AZIN2: variants seen among roughly 807,000 people sequenced by gnomAD.
AZIN2 encodes antizyme inhibitor 2, also known as ODC antizyme inhibitor-2.
Under a neutral mutation model 47.8 loss-of-function variants are expected in AZIN2, and 28 were observed. That is an observed-to-expected ratio of 0.59 (90% CI 0.43 to 0.80). The LOEUF is 0.80. Among genes scored for constraint, AZIN2 ranks in the 30% least tolerant of loss-of-function variants. AZIN2 has a pLI of 0.00. For missense variants in AZIN2, 535 were observed against 582.5 expected (o/e 0.92, Z 0.84); for synonymous variants, 221 against 239.4 (o/e 0.92, Z 0.71).
At chr1:33,083,834 C>T (rs1557661853) in intron 4 of AZIN2, 120 bp from the exon 5 acceptor site, 1 of 1,238,484 alleles carries the variant, frequency 8.1e-7, no homozygotes, top group East Asian at 2.4e-5. Flanking sequence ...GAAAACTTAG[C>T]AGCAGGGTAG....
downstream of AZIN2, among the ~76,000 whole-genome samples, chr1:33,127,231 T>C (rs1644862838): frequency 6.6e-6 from 1 of 152,264 alleles, no homozygotes; most frequent in Non-Finnish European, 1.5e-5. Context: ...GGCGGAACCA[T>C]GACTGCTCAG....
At chr1:33,093,537 A>G in intron 7 of AZIN2, 121 bp downstream of exon 7, 1 of 1,284,386 alleles carries the variant, frequency 7.8e-7, no homozygotes, top group South Asian at 1.6e-5. Context: ...CTGGGCCTGG[A>G]ATTCTTCCAT....
intron 5 of AZIN2, 78 bp downstream of exon 5, chr1:33,084,205 C>G: frequency 6.4e-7 from 1 of 1,561,494 alleles, no homozygotes; most frequent in Non-Finnish European, 8.7e-7. Context: ...CAGGTGGGCT[C>G]TGGGGAGCAA....
chr1:33,112,162 C>A (rs921294822), intron 10 of AZIN2, among the ~76,000 whole-genome samples: 2 of 152,108 alleles, frequency 1.3e-5, no homozygotes, highest in Non-Finnish European at 2.9e-5. Context: ...GGTCCTTAGG[C>A]ACTGCTAGGT....
chr1:33,159,882 C>T, the AZIN2 span: 1 of 1,611,778 alleles, frequency 6.2e-7, no homozygotes, highest in Non-Finnish European at 8.5e-7. This position sits in a 1 kb window ranked among gnomAD's most constrained non-coding sequence, Gnocchi z 4.2. Context: ...GGCGTTCACG[C>T]AGCAGCCGGT....
downstream of AZIN2, among the ~76,000 whole-genome samples, chr1:33,127,952 G>A (rs1193167141): frequency 3.3e-5 from 5 of 152,062 alleles, no homozygotes; most frequent in African/African-American, 1.2e-4. Context: ...TTGGAATCCT[G>A]GTTCTGCCAG....
chr1:33,154,331 C>T, the AZIN2 span, among the ~76,000 whole-genome samples: 1 of 152,302 alleles, frequency 6.6e-6, no homozygotes, highest in East Asian at 1.9e-4. Context: ...GCCTTCTAGC[C>T]TCAGCTGCCA....
Position 33,093,207 on chromosome 1 carries a change from G to A in AZIN2, c.453-75G>A. 4.4e-6 allele frequency: 7 copies of A among 1,591,734 alleles called. No homozygotes were observed. In the South Asian group the frequency reaches 8.0e-5, roughly 18 times the overall value. On this transcript the variant is annotated intron_variant, in intron 6 of 11. Transcript: ENST00000294517. Reference sequence around the variant, plus strand: ...GTGGCTCTGAGCCATGTAGCTCACAGCCCTTGATTGAGAGATGTGGCTGGG... The same window carrying A: ...GTGGCTCTGAGCCATGTAGCTCACAACCCTTGATTGAGAGATGTGGCTGGG...
intron 5 of AZIN2, among the ~76,000 whole-genome samples, chr1:33,085,618 C>T (rs1198661786): frequency 6.6e-6 from 1 of 152,112 alleles, no homozygotes; most frequent in Non-Finnish European, 1.5e-5. Context: ...GGCAGGATGA[C>T]AGGGCTGGAG....
chr1:33,101,991 G>C (rs78742377), intron 10 of AZIN2: 19,348 of 691,866 alleles, frequency 0.028, 413 homozygotes, highest in Non-Finnish European at 0.036. Flanking sequence ...CTGCTGCTGT[G>C]AATTCTTGTT....
chr1:33,096,893 G>C, intron 9 of AZIN2, 24 bp downstream of exon 9: 1 of 1,613,960 alleles, frequency 6.2e-7, no homozygotes, highest in Non-Finnish European at 8.5e-7. Context: ...GGGCAGTGGA[G>C]CCCTGTTCTC....
intron 5 of AZIN2, among the ~76,000 whole-genome samples, chr1:33,085,100 A>C (rs1431862228): frequency 6.6e-6 from 1 of 152,186 alleles, no homozygotes; most frequent in East Asian, 1.9e-4. Context: ...AGTAGAGCTG[A>C]AAGTATCTCA....
chr1:33,094,421 C>T, intron 7 of AZIN2, 127 bp from the exon 8 acceptor site: 1 of 1,018,830 alleles, frequency 9.8e-7, no homozygotes, highest in Non-Finnish European at 1.5e-6. Flanking sequence ...ATTTCAGGAC[C>T]TTGGTCACTG....
At chr1:33,083,656 G>A in intron 4 of AZIN2, 1 of 451,038 alleles carries the variant, frequency 2.2e-6, no homozygotes, top group East Asian at 4.4e-5. Context: ...CAGGAGTGGG[G>A]AGGGTATTCT....
chr1:33,123,197 A>G lies in AZIN2; in HGVS notation c.*3015A>G, dbSNP rs1644826557. On this transcript the variant is annotated 3_prime_UTR_variant, in exon 12 of 12. Transcript: ENST00000294517. ...TGAAGCCTTCTGGATCACCCTTTAG[A>G]AAATAGCATGTCCTAGTCTCTCTCT... Among the ~76,000 whole-genome samples the G allele has an allele frequency of 6.6e-6, 1 of 152,210 alleles. No individual in the cohort carries two copies. Among genetic ancestry groups the G allele is most frequent in the Non-Finnish European group, 1.5e-5 (1 of 68,044 alleles).
At position 33,122,369 on chromosome 1, in the gene AZIN2, T is replaced by A. The variant is rs929807724; in HGVS notation, c.*2187T>A. 2.6e-5 allele frequency among the ~76,000 whole-genome samples: 4 copies of A among 152,256 alleles called. No homozygotes were observed. Among genetic ancestry groups the A allele is most frequent in the Non-Finnish European group, 5.9e-5 (4 of 68,050 alleles). On this transcript the variant is annotated 3_prime_UTR_variant, in exon 12 of 12. Coordinates refer to ENST00000294517, the MANE Select transcript of AZIN2 (RefSeq NM_052998.4). ...TCACTGGAGCCTTTCTAGTGTTTCA[T>A]GTTCCATTTGCAGCAAGGATGTGAA...
rs761034006 is a variant in AZIN2, at chr1:33,092,199, G to C, written c.429G>C (p.Val143=). 6.2e-7 allele frequency: 1 copy of C among 1,614,124 alleles called. No individual in the cohort carries two copies. Among genetic ancestry groups the C allele is most frequent in the Non-Finnish European group, 8.5e-7 (1 of 1,180,018 alleles). ...ACAATGAGATGGAGCTGGCAAAGGT[G>C]GTAAAGAGCCACCCCAGTGCCAAGT... ...SFDNEMELAK[V]VKSHPSAKMV... The change falls in exon 6 of 12, where the codon GTG becomes GTC. Residue 143 remains valine (V), a synonymous_variant. Coordinates refer to ENST00000294517, the MANE Select transcript of AZIN2 (RefSeq NM_052998.4).
At chr1:33,118,853 A>T (rs1014570538) in intron 11 of AZIN2, 1 of 152,274 alleles carries the variant, frequency 6.6e-6, no homozygotes, top group Admixed American at 6.5e-5. Flanking sequence ...GGGGAGTCAC[A>T]TCCAGTGAAC....
the AZIN2 span, among the ~76,000 whole-genome samples, chr1:33,144,401 G>A: frequency 6.6e-6 from 1 of 152,202 alleles, no homozygotes; most frequent in Non-Finnish European, 1.5e-5. Context: ...GCCTCCCAAA[G>A]TGTTGGGATT....
Sources: allele counts gnomAD v4.1 joint callset (sites outside exome capture counted in the v4.1 genomes callset), GRCh38; gene constraint gnomAD v4.1.1; non-coding constraint Gnocchi (gnomAD v3.1); transcripts MANE v1.5; gene names NCBI Gene and HGNC (gene_info 2026-07-23, HGNC 2026-07-21).